PPM1F: variants seen among roughly 807,000 people sequenced by gnomAD.
PPM1F encodes the protein protein phosphatase, Mg2+/Mn2+ dependent 1F, also known as protein phosphatase 1F.
PPM1F carries 17 observed loss-of-function variants against 35.5 expected under a neutral mutation model. The ratio of observed to expected loss-of-function variants is 0.48; its 90% CI spans 0.33 to 0.72. The LOEUF is 0.72. PPM1F is among the 30% of genes least tolerant of loss of function. The pLI, the probability that PPM1F is intolerant of heterozygous loss-of-function variation, is 0.02. For missense variants in PPM1F, 521 were observed against 613.0 expected (o/e 0.85, Z 1.59); for synonymous variants, 241 against 255.5 (o/e 0.94, Z 0.54).
chr22:21,923,981 C>T (rs369646338), intron 7 of PPM1F, among the ~76,000 whole-genome samples: 1 of 152,090 alleles, frequency 6.6e-6, no homozygotes. Context: ...AGCCACCACA[C>T]CAGGCCGAGC....
At chr22:21,935,475 A>G (rs2070648396) in intron 3 of PPM1F, 1 of 152,158 alleles carries the variant, frequency 6.6e-6, no homozygotes, top group African/African-American at 2.4e-5. Context: ...GCAAAATGTT[A>G]CCATTGGAGG....
chr22:21,933,252 G>GA (rs1216882134), intron 5 of PPM1F, 139 bp downstream of exon 5: 11 of 802,130 alleles, frequency 1.4e-5, no homozygotes, highest in Non-Finnish European at 2.1e-5. Flanking sequence ...AGCCCCTTTA[G>GA]AAAAAATGGC....
At chr22:21,930,313 G>A (rs1774137533) in intron 6 of PPM1F, among the ~76,000 whole-genome samples, 1 of 152,218 alleles carries the variant, frequency 6.6e-6, no homozygotes, top group Non-Finnish European at 1.5e-5. Flanking sequence ...GACTGTACGT[G>A]CATCAGTTCC....
rs772748986 is a variant in PPM1F at position 21,945,973 on chromosome 22, G to T, written c.76C>A (p.Leu26Ile). Residue 26 changes from leucine (L) to isoleucine (I), a missense_variant, in exon 2 of 8, where the codon CTC (leucine) becomes ATC (isoleucine). Leu to Ile is a conservative substitution (Grantham distance 5). Coordinates refer to ENST00000263212, the MANE Select transcript of PPM1F (RefSeq NM_014634.4). ...AEETPGFLDT[L>I]LQDFPALLNP... ...AGCAGGGCTGGGAAGTCTTGCAGGAGCGTGTCCAGGAAGCCTGGGGTCTCC... is the reference window on the plus strand; with the variant it reads ...AGCAGGGCTGGGAAGTCTTGCAGGATCGTGTCCAGGAAGCCTGGGGTCTCC... The T allele has an allele frequency of 3.1e-6, 5 of 1,610,778 alleles. No homozygotes were observed. The highest frequency in any genetic ancestry group is 4.2e-6 in the Non-Finnish European group (5 of 1,178,272).
Position 21,931,268 on chromosome 22 carries a change from A to T in PPM1F, c.771T>A (p.Gly257=), listed in dbSNP as rs1165573665. The T allele has an allele frequency of 6.2e-7, 1 of 1,612,782 alleles. No homozygotes were observed. The highest frequency in any genetic ancestry group is 1.1e-5 in the South Asian group (1 of 91,072). The change falls in exon 6 of 8, where the codon GGT becomes GGA. Residue 257 remains glycine (G), a synonymous_variant. Transcript: ENST00000263212. ...TCGCTCCTGCAATGAGCGCACACAC[A>T]CCTGTGGTGCCGCTCTGCAGCCGCT... ...KRERLQSGTT[G]VCALIAGATL...
At chr22:21,937,891 GGGCTGACTGGCAGCCACACAGA>G in intron 3 of PPM1F, 1 of 333,546 alleles carries the variant, frequency 3.0e-6, no homozygotes, top group South Asian at 2.3e-5. Flanking sequence ...CACCGGGGAG[GGGCTGACTGGCAGCCACACAGA>G]GGTTTCAGCC....
intron 6 of PPM1F, 121 bp downstream of exon 6, chr22:21,931,027 C>A: frequency 1.4e-6 from 2 of 1,477,168 alleles, no homozygotes; most frequent in South Asian, 2.7e-5. Flanking sequence ...GGGAGCCCTC[C>A]CTCTTGAAAG....
In PPM1F at chr22:21,934,240, T is replaced by C; in HGVS notation, c.356-14A>G. Reference sequence around the variant, plus strand: ...GGGCATCCAGCACTGATGGGCACAATGGAGGGATTGTCAGGGAAGTGCCAA... The same window carrying C: ...GGGCATCCAGCACTGATGGGCACAACGGAGGGATTGTCAGGGAAGTGCCAA... On this transcript the variant is annotated splice_polypyrimidine_tract_variant and intron_variant, in intron 3 of 7. Coordinates refer to ENST00000263212, the MANE Select transcript of PPM1F (RefSeq NM_014634.4). The C allele has an allele frequency of 6.5e-7, 1 of 1,547,482 alleles. No individual in the cohort carries two copies. The highest frequency in any genetic ancestry group is 8.8e-7 in the Non-Finnish European group (1 of 1,140,942).
chr22:21,949,180 G>C (rs756961925), intron 1 of PPM1F: 1 of 152,440 alleles, frequency 6.6e-6, no homozygotes, highest in East Asian at 1.9e-4. Flanking sequence ...CATCTGTAGA[G>C]GGGACAGGCT....
rs1185408382 is a variant in PPM1F, at chr22:21,921,618, C to G, written c.*1474G>C. The G allele has an allele frequency of 2.6e-5, 4 of 152,396 alleles. No homozygotes were observed. Among genetic ancestry groups the G allele is most frequent in the Non-Finnish European group, 5.9e-5 (4 of 68,166 alleles). 9.4% of individuals were successfully genotyped at this position (152,396 alleles called of 1,614,324 possible). On this transcript the variant is annotated 3_prime_UTR_variant, in exon 8 of 8. Coordinates refer to ENST00000263212, the MANE Select transcript of PPM1F (RefSeq NM_014634.4). ...GTTCAGGGCATGGGGCAGAGCAAGG[C>G]AGGCGTGCTGCCAGCCACCGCGGCA... is the stretch of plus-strand genomic sequence containing the variant.
rs1318484734 is a variant in PPM1F, at chr22:21,934,174, G to A, written c.408C>T (p.Val136=). 1.9e-6 allele frequency: 3 copies of A among 1,578,804 alleles called. No individual in the cohort carries two copies. The highest frequency in any genetic ancestry group is 2.6e-6 in the Non-Finnish European group (3 of 1,162,208). The part of the protein sequence containing the change: ...AQSFFNRLWE[V]AGQWQKQVPL... ...GCACCTGCTTCTGCCACTGGCCGGC[G>A]ACTTCCCAAAGGCGGTTAAAGAAAC... The change falls in exon 4 of 8, where the codon GTC becomes GTT. Residue 136 remains valine (V), a synonymous_variant. Transcript: ENST00000263212.
intron 3 of PPM1F, chr22:21,935,111 T>C (rs2070644311): frequency 6.6e-6 from 1 of 152,174 alleles, no homozygotes; most frequent in South Asian, 2.1e-4. Context: ...TCAGCCTAGA[T>C]GTCCTTCAAC....
At position 21,933,245 on chromosome 22, in the gene PPM1F, C is replaced by T. The variant is rs184029642; in HGVS notation, c.747+146G>A. Reference sequence around the variant, plus strand: ...GCTTCCGTTCAAGTGAAAACCAAGCCCCTTTAGAAAAAATGGCAGGACCAC... The same window carrying T: ...GCTTCCGTTCAAGTGAAAACCAAGCTCCTTTAGAAAAAATGGCAGGACCAC... On this transcript the variant is annotated intron_variant, in intron 5 of 7. Coordinates refer to ENST00000263212, the MANE Select transcript of PPM1F (RefSeq NM_014634.4). The T allele has an allele frequency of 3.5e-3, 2,623 of 741,714 alleles. 9 individuals carry two copies. Among genetic ancestry groups the T allele is most frequent in the Non-Finnish European group, 3.9e-3 (1,837 of 473,770 alleles). 45.9% of individuals were successfully genotyped at this position (741,714 alleles called of 1,614,324 possible). A position where few individuals can be genotyped will look rare whatever the true frequency, so the allele number is the denominator to read the frequency against.
rs2070699640 is a variant in PPM1F at position 21,939,457 on chromosome 22, G to T, written c.355+75C>A. 2.2e-5 allele frequency: 34 copies of T among 1,575,460 alleles called. No individual in the cohort carries two copies. The South Asian group carries it at 3.9e-4, about 18-fold the overall frequency. On this transcript the variant is annotated intron_variant, in intron 3 of 7. Coordinates refer to ENST00000263212, the MANE Select transcript of PPM1F (RefSeq NM_014634.4). The surrounding 1 kb of genome is among the most constrained non-coding windows in gnomAD (Gnocchi z 5.1). ...GCACCCTTAGGGACCCCAATCAATG[G>T]GCTTCCCACAATGTCGTCACCCTTT... is the stretch of plus-strand genomic sequence containing the variant.
intron 6 of PPM1F, chr22:21,925,946 A>T (rs2070509018): frequency 2.6e-6 from 1 of 377,838 alleles, no homozygotes; most frequent in Non-Finnish European, 4.7e-6. Flanking sequence ...ATTCTGGGTC[A>T]GGGAGGCACT....
chr22:21,949,414 C>T (rs377558838), intron 1 of PPM1F: 14 of 152,438 alleles, frequency 9.2e-5, no homozygotes, highest in African/African-American at 3.1e-4. Context: ...CTGAATCTGA[C>T]GTACACCATG....
At chr22:21,945,622 G>T in intron 2 of PPM1F, 1 of 533,314 alleles carries the variant, frequency 1.9e-6, no homozygotes, top group Non-Finnish European at 3.3e-6. Flanking sequence ...TTGGACTCTG[G>T]CCTCCAGCCC....
At chr22:21,941,878 T>C (rs2070729198) in intron 2 of PPM1F, 1 of 152,272 alleles carries the variant, frequency 6.6e-6, no homozygotes, top group African/African-American at 2.4e-5. Flanking sequence ...AAAGAAACAC[T>C]GAAGCCATCT....
At chr22:21,924,207 C>T (rs548779394) in intron 7 of PPM1F, among the ~76,000 whole-genome samples, 1 of 152,046 alleles carries the variant, frequency 6.6e-6, no homozygotes, top group South Asian at 2.1e-4. Flanking sequence ...GGTCACAGTG[C>T]CCACAGCCTG....
Sources: allele counts gnomAD v4.1 joint callset (sites outside exome capture counted in the v4.1 genomes callset), GRCh38; gene constraint gnomAD v4.1.1; non-coding constraint Gnocchi (gnomAD v3.1); transcripts MANE v1.5; gene names NCBI Gene and HGNC (gene_info 2026-07-23, HGNC 2026-07-21).